The following EGFR variants were observed in gnomAD, a reference collection of about 807,000 sequenced individuals.
EGFR encodes avian erythroblastic leukemia viral (v-erb-b) oncogene homolog.
EGFR carries 58 observed loss-of-function variants against 143.0 expected under a neutral mutation model. The observed-to-expected ratio is 0.41, with a 90% CI of 0.33 to 0.50. EGFR has a LOEUF of 0.50. EGFR is among the 20% of genes least tolerant of loss of function. The probability of loss-of-function intolerance (pLI) is 0.39; values close to 1 mark genes in which losing one functional copy is unlikely to be tolerated. For missense variants in EGFR, 1,307 were observed against 1,579.0 expected, an observed-to-expected ratio of 0.83 and a Z score of 2.92; for synonymous variants, 613 against 594.4, an observed-to-expected ratio of 1.03 and a Z score of -0.45.
intron 1 of EGFR, among the ~76,000 whole-genome samples, chr7:55,034,734 A>G (rs1041640397): frequency 2.0e-5 from 3 of 152,230 alleles, no homozygotes; most frequent in Admixed American, 6.5e-5. Flanking sequence ...TGCATGCTGG[A>G]GACTTGCTGT....
intron 13 of EGFR, 47 bp downstream of exon 13, chr7:55,161,678 C>T: frequency 6.2e-7 from 1 of 1,613,862 alleles, no homozygotes; most frequent in Non-Finnish European, 8.5e-7. Flanking sequence ...AAAAATAAGG[C>T]TCCAGGTTGT....
chr7:55,029,900 A>G (rs893371407), intron 1 of EGFR, among the ~76,000 whole-genome samples: 1 of 152,248 alleles, frequency 6.6e-6, no homozygotes, highest in Non-Finnish European at 1.5e-5. Flanking sequence ...CATGCTGGTA[A>G]TAAGTGTGCT....
Position 55,157,683 on chromosome 7 carries a change from T to G in EGFR, c.1228T>G (p.Trp410Gly). ...TACAGGGTTTTTGCTGATTCAGGCT[T>G]GGCCTGAAAACAGGACGGACCTCCA... Reference protein sequence around the residue: ...EITGFLLIQAWPENRTDLHAF... With the variant: ...EITGFLLIQAGPENRTDLHAF... The change falls in exon 11 of 28, where the codon TGG becomes GGG. Residue 410 changes from tryptophan (W) to glycine (G), a missense_variant. Coordinates refer to ENST00000275493, the MANE Select transcript of EGFR (RefSeq NM_005228.5). The G allele has an allele frequency of 6.2e-7, 1 of 1,614,214 alleles. No homozygotes were observed. The highest frequency in any genetic ancestry group is 1.1e-5 in the South Asian group (1 of 91,086).
chr7:55,205,457 C>T lies in EGFR; in HGVS notation c.3473C>T (p.Ala1158Val), dbSNP rs1788072491. The change falls in exon 28 of 28, where the codon GCC (alanine) becomes GTC (valine). Residue 1158 changes from alanine (A) to valine (V), a missense_variant. Ala to Val is a moderately conservative substitution (Grantham distance 64, BLOSUM62 0). Coordinates refer to ENST00000275493, the MANE Select transcript of EGFR (RefSeq NM_005228.5). Reference protein sequence around the residue: ...NSTFDSPAHWAQKGSHQISLD... With the variant: ...NSTFDSPAHWVQKGSHQISLD... Reference sequence around the variant, plus strand: ...ACATTCGACAGCCCTGCCCACTGGGCCCAGAAAGGCAGCCACCAAATTAGC... The same window carrying T: ...ACATTCGACAGCCCTGCCCACTGGGTCCAGAAAGGCAGCCACCAAATTAGC... The T allele has an allele frequency of 6.2e-7, 1 of 1,614,022 alleles. No individual in the cohort carries two copies. Among genetic ancestry groups the T allele is most frequent in the African/African-American group, 1.3e-5 (1 of 74,916 alleles).
intron 20 of EGFR, among the ~76,000 whole-genome samples, chr7:55,189,207 T>C (rs1372680820): frequency 4.6e-5 from 7 of 152,070 alleles, no homozygotes; most frequent in Admixed American, 4.6e-4. Flanking sequence ...GCAGGTGCAT[T>C]TCCCAGCAGG....
intron 16 of EGFR, among the ~76,000 whole-genome samples, chr7:55,171,656 G>A (rs997804385): frequency 2.0e-5 from 3 of 152,056 alleles, no homozygotes; most frequent in African/African-American, 7.2e-5. Flanking sequence ...TTCTTTCCCA[G>A]ACACACTGCC....
chr7:55,192,257 G>T (rs1026357847), intron 21 of EGFR, among the ~76,000 whole-genome samples: 2 of 152,144 alleles, frequency 1.3e-5, no homozygotes, highest in Non-Finnish European at 2.9e-5. Flanking sequence ...ATGCGGACCC[G>T]AGCTCCCAGG....
intron 1 of EGFR, among the ~76,000 whole-genome samples, chr7:55,088,134 C>G (rs778591077): frequency 2.0e-5 from 3 of 152,156 alleles, no homozygotes; most frequent in Non-Finnish European, 4.4e-5. Context: ...TCTCTCCCAC[C>G]TGAATAAAAA....
At chr7:55,182,566 G>T (rs892904185) in intron 20 of EGFR, 5 of 152,204 alleles carry the variant, frequency 3.3e-5, no homozygotes, top group African/African-American at 9.7e-5. Flanking sequence ...TGGGAGCCGT[G>T]GTGCTTGGGT....
intron 1 of EGFR, among the ~76,000 whole-genome samples, chr7:55,082,888 C>T (rs1790543086): frequency 6.6e-6 from 1 of 152,226 alleles, no homozygotes; most frequent in Admixed American, 6.5e-5. Flanking sequence ...TGGCCTCTCC[C>T]CAGCCTCTGG....
rs75250328 is a variant in EGFR, at chr7:55,109,949, G to A, written c.89-32337G>A. On this transcript the variant is annotated intron_variant, in intron 1 of 27. Transcript: ENST00000275493. ...CCTCTCCGCGCTGAGAAGGTTATCC[G>A]GATAACCAAGTAAGAAAGTACATGA... 4.2e-5 allele frequency: 41 copies of A among 985,312 alleles called. No homozygotes were observed. In the East Asian group the frequency reaches 1.6e-3, roughly 38 times the overall value. The allele number at this position is 985,312 out of a possible 1,614,324, so 61.0% of individuals were successfully genotyped here.
chr7:55,196,278 T>C (rs753423103), intron 22 of EGFR, among the ~76,000 whole-genome samples: 1 of 151,550 alleles, frequency 6.6e-6, no homozygotes, highest in Non-Finnish European at 1.5e-5. Context: ...TCAGTGATGT[T>C]AAGCTCTTTT....
chr7:55,033,962 C>T (rs777584151), intron 1 of EGFR, among the ~76,000 whole-genome samples: 1 of 152,210 alleles, frequency 6.6e-6, no homozygotes, highest in Non-Finnish European at 1.5e-5. Flanking sequence ...ACTATGACGA[C>T]TGTGACTGGC....
chr7:55,151,349 G>T lies in EGFR; in HGVS notation c.615G>T (p.Glu205Asp). The change falls in exon 5 of 28, where the codon GAG becomes GAT. Residue 205 changes from glutamate (E) to aspartate (D), a missense_variant. Glu to Asp is a conservative substitution (Grantham distance 45). This residue lies in a region of EGFR where 311 missense variants were observed against 412.3 expected (regional missense o/e 0.75). Transcript: ENST00000275493. ...PNGSCWGAGE[E>D]NCQKLTKIIC... ...GGAGCTGCTGGGGTGCAGGAGAGGA[G>T]AACTGCCAGAAACGTAAGTCAGTGA... 6.2e-7 allele frequency: 1 copy of T among 1,614,198 alleles called. No individual in the cohort carries two copies. The highest frequency in any genetic ancestry group is 8.5e-7 in the Non-Finnish European group (1 of 1,180,034).
chr7:55,166,703 ATGG>A (rs1393975955), intron 15 of EGFR, among the ~76,000 whole-genome samples: 7 of 91,616 alleles, frequency 7.6e-5, no homozygotes, highest in East Asian at 1.3e-3. Context: ...GATGGTGTTG[ATGG>A]TGGTGAGGAG....
rs1021347147 is a variant in EGFR at position 55,181,283 on chromosome 7, C to G, written c.2284-10C>G. The G allele has an allele frequency of 1.2e-6, 2 of 1,613,946 alleles. No homozygotes were observed. The highest frequency in any genetic ancestry group is 1.7e-6 in the Non-Finnish European group (2 of 1,180,054). On this transcript the variant is annotated splice_polypyrimidine_tract_variant and intron_variant, in intron 19 of 27. Transcript: ENST00000275493. Reference sequence around the variant, plus strand: ...CGAAGCCACACTGACGTGCCTCTCCCTCCCTCCAGGAAGCCTACGTGATGG... The same window carrying G: ...CGAAGCCACACTGACGTGCCTCTCCGTCCCTCCAGGAAGCCTACGTGATGG...
chr7:55,086,239 C>T (rs1477605079), intron 1 of EGFR, among the ~76,000 whole-genome samples: 1 of 152,214 alleles, frequency 6.6e-6, no homozygotes, highest in African/African-American at 2.4e-5. Context: ...CAGGGGCTTG[C>T]ACCCCGGAGC....
intron 1 of EGFR, among the ~76,000 whole-genome samples, chr7:55,039,051 A>G (rs1787759197): frequency 1.3e-5 from 2 of 151,814 alleles, no homozygotes; most frequent in Non-Finnish European, 2.9e-5. Context: ...TATAACATGG[A>G]ACGTTAGTTC....
At chr7:55,098,408 C>T (rs1791604809) in intron 1 of EGFR, among the ~76,000 whole-genome samples, 1 of 152,002 alleles carries the variant, frequency 6.6e-6, no homozygotes, top group Non-Finnish European at 1.5e-5. Context: ...GTGATGGCAA[C>T]TCCATAGAAT....
Sources: gnomAD v4.1 joint callset for allele counts (sites outside exome capture counted in the v4.1 genomes callset) on GRCh38, gnomAD v4.1.1 for gene constraint, gnomAD v4.1.1 regional missense constraint, MANE v1.5 for transcripts, NCBI Gene and HGNC (gene_info 2026-07-23, HGNC 2026-07-21) for gene names.